The following SLC16A7 variants were observed in gnomAD, a reference collection of about 807,000 sequenced individuals.
The protein encoded by SLC16A7 is monocarboxylate transporter 2.
Under a neutral mutation model 34.9 loss-of-function variants are expected in SLC16A7, and 33 were observed. The observed-to-expected ratio is 0.94, with a 90% CI of 0.72 to 1.26. The LOEUF (loss-of-function observed/expected upper bound fraction) is 1.26. Among genes scored for constraint, SLC16A7 ranks in the 50% most tolerant of loss-of-function variants. The probability of loss-of-function intolerance (pLI) is 0.00; values close to 1 mark genes in which losing one functional copy is unlikely to be tolerated. For missense variants in SLC16A7, 573 were observed against 578.1 expected (o/e 0.99, Z 0.09); for synonymous variants, 201 against 206.6 (o/e 0.97, Z 0.23).
intron 1 of SLC16A7, among the ~76,000 whole-genome samples, chr12:59,644,204 G>GCAA (rs1370270520): frequency 1.3e-5 from 2 of 152,100 alleles, no homozygotes; most frequent in East Asian, 3.9e-4. Flanking sequence ...ACAAAGCAAA[G>GCAA]CAAAACTATG....
At chr12:59,763,650 C>T (rs562360796) in intron 3 of SLC16A7, among the ~76,000 whole-genome samples, 40 of 152,172 alleles carry the variant, frequency 2.6e-4, no homozygotes, top group African/African-American at 9.4e-4. Flanking sequence ...CACTTTATTG[C>T]ACTTTGCAAA....
intron 1 of SLC16A7, among the ~76,000 whole-genome samples, chr12:59,645,314 G>A (rs1166772219): frequency 6.6e-6 from 1 of 152,158 alleles, no homozygotes; most frequent in Non-Finnish European, 1.5e-5. Flanking sequence ...CATTTGATAT[G>A]GTTGGGCTGT....
intron 1 of SLC16A7, among the ~76,000 whole-genome samples, chr12:59,614,396 A>T (rs1879341925): frequency 6.6e-6 from 1 of 152,172 alleles, no homozygotes; most frequent in Non-Finnish European, 1.5e-5. Context: ...TTGTAATCAA[A>T]TCATTAATGA....
At chr12:59,711,055 G>C (rs531574318) in intron 3 of SLC16A7, among the ~76,000 whole-genome samples, 1 of 152,316 alleles carries the variant, frequency 6.6e-6, no homozygotes, top group East Asian at 1.9e-4. Context: ...TAGGAAGACT[G>C]CCACTATTCC....
chr12:59,673,934 A>G (rs1037391309), intron 2 of SLC16A7, among the ~76,000 whole-genome samples: 1 of 152,142 alleles, frequency 6.6e-6, no homozygotes, highest in South Asian at 2.1e-4. Context: ...TGATGAAATC[A>G]TGCTCATCAT....
intron 1 of SLC16A7, among the ~76,000 whole-genome samples, chr12:59,613,218 G>A (rs1275578695): frequency 1.3e-5 from 2 of 152,250 alleles, no homozygotes; most frequent in Non-Finnish European, 2.9e-5. Context: ...GGAAAGAGAA[G>A]TGCTGAGCAA....
chr12:59,734,518 A>T (rs538194973), intron 3 of SLC16A7, among the ~76,000 whole-genome samples: 1 of 152,334 alleles, frequency 6.6e-6, no homozygotes, highest in South Asian at 2.1e-4. Context: ...CAGCAGCAGC[A>T]GCTGCACCTG....
At chr12:59,611,634 G>A (rs1178423669) in intron 1 of SLC16A7, among the ~76,000 whole-genome samples, 1 of 152,116 alleles carries the variant, frequency 6.6e-6, no homozygotes, top group Non-Finnish European at 1.5e-5. Flanking sequence ...CAAGTCCAAA[G>A]TTTCAACTGA....
At chr12:59,755,991 A>C (rs187941551) in intron 3 of SLC16A7, among the ~76,000 whole-genome samples, 3 of 152,326 alleles carry the variant, frequency 2.0e-5, no homozygotes, top group African/African-American at 7.2e-5. Flanking sequence ...AACCTGACAA[A>C]AACAAGCAAT....
At chr12:59,720,250 G>T in intron 3 of SLC16A7, 1 of 512,960 alleles carries the variant, frequency 1.9e-6, no homozygotes, top group South Asian at 3.1e-5. Flanking sequence ...AATTTATTAG[G>T]TCTTTTTCTT....
intron 2 of SLC16A7, among the ~76,000 whole-genome samples, chr12:59,685,311 G>A (rs996544199): frequency 2.6e-5 from 4 of 152,132 alleles, no homozygotes; most frequent in South Asian, 4.1e-4. Context: ...GTGATTTAAT[G>A]TGACATTTCC....
At chr12:59,614,502 TAATC>T (rs1879346459) in intron 1 of SLC16A7, among the ~76,000 whole-genome samples, 1 of 152,292 alleles carries the variant, frequency 6.6e-6, no homozygotes, top group African/African-American at 2.4e-5. Context: ...TTTCATTACA[TAATC>T]AAACTTTATT....
chr12:59,631,659 G>T (rs879790013), intron 1 of SLC16A7, among the ~76,000 whole-genome samples: 1 of 152,068 alleles, frequency 6.6e-6, no homozygotes, highest in Admixed American at 6.6e-5. Context: ...AGTCCAGCAT[G>T]TATTGGATAT....
chr12:59,764,003 A>G (rs1881285565), intron 3 of SLC16A7: 1 of 152,170 alleles, frequency 6.6e-6, no homozygotes, highest in Admixed American at 6.6e-5. Context: ...AGGCCACTTA[A>G]TAAACCTACA....
chr12:59,712,031 C>A (rs1190633262), intron 3 of SLC16A7, among the ~76,000 whole-genome samples: 1 of 152,210 alleles, frequency 6.6e-6, no homozygotes, highest in African/African-American at 2.4e-5. Context: ...GTTTCCTTAT[C>A]TGTAAAAATC....
At position 59,788,778 on chromosome 12, in the gene SLC16A7, CTGGCATTTTCATA is replaced by C; in HGVS notation, c.*9103_*9115del. On this transcript the variant is annotated 3_prime_UTR_variant, in exon 6 of 6. Coordinates refer to ENST00000547379, the MANE Select transcript of SLC16A7 (RefSeq NM_001270623.2). ...AAGGAATTAACCAAAAATGAAAGAA[CTGGCATTTTCATA>C]TGGATACATATTTTGCTTAAACTAA... 6.6e-6 allele frequency: 1 copy of C among 152,008 alleles called. No individual in the cohort carries two copies. The highest frequency in any genetic ancestry group is 1.9e-4 in the East Asian group (1 of 5,190). 9.4% of individuals were successfully genotyped at this position (152,008 alleles called of 1,614,324 possible).
At chr12:59,717,976 G>C (rs971809012) in intron 3 of SLC16A7, among the ~76,000 whole-genome samples, 1 of 152,066 alleles carries the variant, frequency 6.6e-6, no homozygotes, top group Non-Finnish European at 1.5e-5. Context: ...CCTTAGGAGG[G>C]GCAGTAATAG....
At chr12:59,702,840 T>G (rs976445761) in intron 2 of SLC16A7, among the ~76,000 whole-genome samples, 8 of 152,098 alleles carry the variant, frequency 5.3e-5, no homozygotes, top group Non-Finnish European at 1.2e-4. Flanking sequence ...CTCGGCAGTC[T>G]TATTTCTAAT....
At chr12:59,743,735 A>G (rs1392285509) in intron 3 of SLC16A7, among the ~76,000 whole-genome samples, 4 of 152,226 alleles carry the variant, frequency 2.6e-5, no homozygotes, top group Non-Finnish European at 1.5e-5. Flanking sequence ...TTCCAATTAC[A>G]TATCAATTTC....
Sources: allele counts gnomAD v4.1 joint callset (sites outside exome capture counted in the v4.1 genomes callset), GRCh38; gene constraint gnomAD v4.1.1; transcripts MANE v1.5; gene names NCBI Gene and HGNC (gene_info 2026-07-23, HGNC 2026-07-21).